CCT6B: variants seen among roughly 807,000 people sequenced by gnomAD.
The protein encoded by CCT6B is chaperonin containing TCP1 subunit 6B.
A neutral mutation model predicts 61.5 loss-of-function variants in CCT6B; 49 were observed. That is an observed-to-expected ratio of 0.80 (90% CI 0.63 to 1.01). CCT6B has a LOEUF of 1.01. CCT6B is among the 50% of genes least tolerant of loss of function. The pLI, the probability that CCT6B is intolerant of heterozygous loss-of-function variation, is 0.00. For synonymous variants in CCT6B, 228 were observed against 214.5 expected (o/e 1.06, Z -0.55); for missense variants, 666 against 634.7 (o/e 1.05, Z -0.53).
intron 11 of CCT6B, among the ~76,000 whole-genome samples, chr17:34,931,376 A>G (rs1489135235): frequency 6.6e-6 from 1 of 152,182 alleles, no homozygotes; most frequent in South Asian, 2.1e-4. Context: ...GGAAGGAAGT[A>G]GAATGATATT....
Position 34,940,582 on chromosome 17 carries a change from C to T in CCT6B, c.925G>A (p.Gly309Arg), listed in dbSNP as rs762726999. 55 of 1,579,740 alleles carry T rather than the reference C, an allele frequency of 3.5e-5. No individual in the cohort carries two copies. Among genetic ancestry groups the T allele is most frequent in the Non-Finnish European group, 4.7e-5 (54 of 1,161,142 alleles). Reference protein sequence around the residue: ...PFSLDSLAKHGIVALRRAKRR... With the variant: ...PFSLDSLAKHRIVALRRAKRR... ...TTTGCTCTGCGAAGAGCTACTATTC[C>T]ATGTTTTGCAAGAGAATCTAAGGAA... Residue 309 changes from glycine (G) to arginine (R), a missense_variant, in exon 8 of 14, where the codon GGA becomes AGA. Transcript: ENST00000314144.
At chr17:34,959,770 A>AT in intron 1 of CCT6B, 120 bp from the exon 2 acceptor site, 5 of 635,178 alleles carry the variant, frequency 7.9e-6, no homozygotes, top group Non-Finnish European at 1.4e-5. Flanking sequence ...CCATGGGAAT[A>AT]TGCCATGGTA....
At chr17:34,931,912 T>C (rs2090040572) in intron 11 of CCT6B, among the ~76,000 whole-genome samples, 1 of 152,158 alleles carries the variant, frequency 6.6e-6, no homozygotes, top group Admixed American at 6.5e-5. Context: ...TTTCTAGGAA[T>C]TATAATGATG....
chr17:34,958,016 A>C (rs2090367389), intron 3 of CCT6B, among the ~76,000 whole-genome samples: 1 of 152,088 alleles, frequency 6.6e-6, no homozygotes, highest in Admixed American at 6.5e-5. Context: ...TACATGGGTA[A>C]TTTTTTACTT....
chr17:34,934,881 AGACC>A (rs561632239), intron 10 of CCT6B, among the ~76,000 whole-genome samples: 4 of 152,242 alleles, frequency 2.6e-5, no homozygotes, highest in Non-Finnish European at 5.9e-5. Flanking sequence ...AAATATACAC[AGACC>A]AATACCCCTT....
In CCT6B at chr17:34,961,246, C is replaced by A; in HGVS notation, c.137+11G>T. Reference sequence around the variant, plus strand: ...CTAGCCGCGTAATGGCCGCTCCAACCGCTGTCTCACATTTTCATGGTGCCT... The same window carrying A: ...CTAGCCGCGTAATGGCCGCTCCAACAGCTGTCTCACATTTTCATGGTGCCT... On this transcript the variant is annotated intron_variant, in intron 1 of 13. Coordinates refer to ENST00000314144, the MANE Select transcript of CCT6B (RefSeq NM_006584.4). 1 of 1,593,792 alleles carries A rather than the reference C, an allele frequency of 6.3e-7. No homozygotes were observed.
Position 34,939,251 on chromosome 17 carries a change from T to G in CCT6B, c.1145A>C (p.His382Pro), listed in dbSNP as rs376987977. ...GGCATCCTTGACTTGTGTGAGAGTA[T>G]GCTTATTTGGTCCTTTAACCAACAA... The part of the protein sequence containing the change: ...VTLLVKGPNK[H>P]TLTQVKDAIR... The change falls in exon 10 of 14, where the codon CAT becomes CCT. Residue 382 changes from histidine to proline, a missense_variant. By Grantham distance (77) the His-to-Pro change is moderately conservative. Transcript: ENST00000314144. 23 of 1,613,782 alleles carry G rather than the reference T, an allele frequency of 1.4e-5. No individual in the cohort carries two copies. The highest frequency in any genetic ancestry group is 1.8e-5 in the Non-Finnish European group (21 of 1,179,874).
chr17:34,955,724 A>C (rs189339337), intron 3 of CCT6B, among the ~76,000 whole-genome samples: 2 of 152,348 alleles, frequency 1.3e-5, no homozygotes, highest in Admixed American at 6.5e-5. Context: ...TTAAAAGTTG[A>C]CATTGAGTAT....
At position 34,957,531 on chromosome 17, in the gene CCT6B, C is replaced by T. The variant is rs375791592; in HGVS notation, c.336+1029G>A. On this transcript the variant is annotated intron_variant, in intron 3 of 13. Coordinates refer to ENST00000314144, the MANE Select transcript of CCT6B (RefSeq NM_006584.4). The stretch of plus-strand genomic sequence containing the variant: ...GACAAAGAACCTGTGTACTTGATGA[C>T]TGAATTTTGTTATCACACAACCTGA... 1.3e-3 allele frequency among the ~76,000 whole-genome samples: 203 copies of T among 152,294 alleles called. 1 individual carries two copies. In the South Asian group the frequency reaches 0.042, roughly 31 times the overall value.
At chr17:34,947,710 G>A (rs561153080) in intron 5 of CCT6B, among the ~76,000 whole-genome samples, 10 of 152,206 alleles carry the variant, frequency 6.6e-5, no homozygotes, top group Non-Finnish European at 1.0e-4. Flanking sequence ...GGCTGGGCGC[G>A]GTGGCTCACA....
intron 3 of CCT6B, among the ~76,000 whole-genome samples, chr17:34,958,310 G>A (rs911923192): frequency 1.3e-5 from 2 of 152,128 alleles, no homozygotes; most frequent in Non-Finnish European, 2.9e-5. Context: ...CAGGCATGAT[G>A]GCGCATGCCT....
chr17:34,951,311 A>T (rs202146798), intron 5 of CCT6B, among the ~76,000 whole-genome samples: 1 of 97,072 alleles, frequency 1.0e-5, no homozygotes, highest in Non-Finnish European at 2.4e-5. Flanking sequence ...TGATATTTAC[A>T]GGTGGTATAT....
chr17:34,939,827 G>T, intron 8 of CCT6B, 114 bp from the exon 9 acceptor site: 1 of 694,472 alleles, frequency 1.4e-6, no homozygotes. Context: ...GTATTGTTTT[G>T]GGTTTTTAAT....
chr17:34,941,805 C>T (rs2090166737), intron 7 of CCT6B, among the ~76,000 whole-genome samples: 2 of 152,198 alleles, frequency 1.3e-5, no homozygotes, highest in South Asian at 2.1e-4. Flanking sequence ...AATCCCAACA[C>T]TTTGGGAGGC....
chr17:34,957,552 C>T (rs969860259), intron 3 of CCT6B, among the ~76,000 whole-genome samples: 1 of 152,158 alleles, frequency 6.6e-6, no homozygotes, highest in Non-Finnish European at 1.5e-5. Context: ...TATCACACAA[C>T]CTGACAGTCT....
intron 13 of CCT6B, among the ~76,000 whole-genome samples, chr17:34,928,739 T>C (rs1255733378): frequency 6.6e-6 from 1 of 152,190 alleles, no homozygotes; most frequent in Non-Finnish European, 1.5e-5. Context: ...CCTCAAATAG[T>C]AAGGTTAATT....
At chr17:34,933,128 C>T (rs1201170952) in intron 10 of CCT6B, among the ~76,000 whole-genome samples, 1 of 152,146 alleles carries the variant, frequency 6.6e-6, no homozygotes, top group Non-Finnish European at 1.5e-5. Flanking sequence ...TGACAGGTAA[C>T]TGATTACAAT....
At position 34,958,677 on chromosome 17, in the gene CCT6B, T is replaced by C; in HGVS notation, c.219A>G (p.Thr73=). The change falls in exon 3 of 14, where the codon ACA becomes ACG. Residue 73 remains threonine, a synonymous_variant. Coordinates refer to ENST00000314144, the MANE Select transcript of CCT6B (RefSeq NM_006584.4). ...LLDEMQIQHP[T]ASLIAKVATA... ...TTGCTACTTTTGCTATCAAGGAAGC[T>C]GTTGGATGTTGAATTTGCTGGAAAA... 2 of 1,597,060 alleles carry C rather than the reference T, an allele frequency of 1.3e-6. No homozygotes were observed. The highest frequency in any genetic ancestry group is 1.7e-6 in the Non-Finnish European group (2 of 1,172,534).
chr17:34,957,552 C>A (rs969860259), intron 3 of CCT6B, among the ~76,000 whole-genome samples: 15 of 152,158 alleles, frequency 9.9e-5, no homozygotes, highest in Admixed American at 8.5e-4. Flanking sequence ...TATCACACAA[C>A]CTGACAGTCT....
Sources: allele counts gnomAD v4.1 joint callset (sites outside exome capture counted in the v4.1 genomes callset), GRCh38; gene constraint gnomAD v4.1.1; transcripts MANE v1.5; gene names NCBI Gene and HGNC (gene_info 2026-07-23, HGNC 2026-07-21).